Variants in MEI1 observed in about 807,000 individuals in gnomAD.
MEI1 encodes the protein meiotic double-stranded break formation protein 1.
A neutral mutation model predicts 146.2 loss-of-function variants in MEI1; 103 were observed. That is an observed-to-expected ratio of 0.70 (90% CI 0.60 to 0.83). The LOEUF (loss-of-function observed/expected upper bound fraction) is 0.83, where lower values mean the gene tolerates loss of function less well. Ranked by LOEUF, MEI1 falls within the 40% of genes least tolerant of loss-of-function variation. The probability of loss-of-function intolerance (pLI) is 0.00; values close to 1 mark genes in which losing one functional copy is unlikely to be tolerated. For synonymous variants in MEI1, 652 were observed against 628.2 expected (o/e 1.04, Z -0.57); for missense variants, 1,529 against 1,533.0 (o/e 1.00, Z 0.04).
At chr22:41,728,000 C>G (rs1157202763) in intron 7 of MEI1, among the ~76,000 whole-genome samples, 1 of 152,192 alleles carries the variant, frequency 6.6e-6, no homozygotes, top group African/African-American at 2.4e-5. Flanking sequence ...CCCTTGTATA[C>G]ACGGGAGATT....
chr22:41,719,474 A>G (rs528798226), intron 6 of MEI1, among the ~76,000 whole-genome samples: 1 of 152,352 alleles, frequency 6.6e-6, no homozygotes, highest in South Asian at 2.1e-4. Context: ...GGCGCAAGCC[A>G]CTGTGCCTGG....
At chr22:41,740,926 T>C (rs8141103) in intron 11 of MEI1, among the ~76,000 whole-genome samples, 126,682 of 151,922 alleles carry the variant, frequency 0.83, 53,777 homozygotes, top group African/African-American at 0.95. Context: ...CAACAAAGGC[T>C]CAGGGATGAG....
intron 6 of MEI1, among the ~76,000 whole-genome samples, chr22:41,718,866 T>A (rs1188132640): frequency 1.3e-5 from 2 of 151,788 alleles, no homozygotes; most frequent in Non-Finnish European, 2.9e-5. Context: ...GAACTTGTCC[T>A]TTTTTTTCTT....
chr22:41,746,389 T>C (rs78339304), intron 14 of MEI1, among the ~76,000 whole-genome samples: 2,771 of 152,324 alleles, frequency 0.018, 34 homozygotes, highest in Non-Finnish European at 0.031. Context: ...TCTGTAGTTA[T>C]AAAGCAAGCC....
chr22:41,775,998 T>C, intron 20 of MEI1, 104 bp from the exon 21 acceptor site: 2 of 1,201,890 alleles, frequency 1.7e-6, no homozygotes, highest in Non-Finnish European at 1.2e-6. Context: ...CCAGTTTTTG[T>C]GACATCATAA....
chr22:41,764,863 C>T (rs1307175803), intron 19 of MEI1, among the ~76,000 whole-genome samples: 1 of 152,180 alleles, frequency 6.6e-6, no homozygotes, highest in Non-Finnish European at 1.5e-5. Context: ...CCTTAGGAGT[C>T]AGTCAAGTCT....
At chr22:41,738,219 C>A (rs984768681) in intron 11 of MEI1, among the ~76,000 whole-genome samples, 1 of 152,052 alleles carries the variant, frequency 6.6e-6, no homozygotes, top group Non-Finnish European at 1.5e-5. Flanking sequence ...CTTTGGGAGT[C>A]CGAGGTGGGT....
chr22:41,763,252 A>G lies in MEI1; in HGVS notation c.2199A>G (p.Pro733=), dbSNP rs376371459. ...TGCAGGACCAGGGCGAGCGCCCCCCACTGGTGGTCTTCAAAGCCTCCATCT... is the reference window on the plus strand; with the variant it reads ...TGCAGGACCAGGGCGAGCGCCCCCCGCTGGTGGTCTTCAAAGCCTCCATCT... ...LSLQDQGERP[P]LVVFKASIYL... Residue 733 remains proline (P), a synonymous_variant, in exon 19 of 31, where the codon CCA becomes CCG. Transcript: ENST00000401548. 3.0e-5 allele frequency: 49 copies of G among 1,613,720 alleles called. No homozygotes were observed. Among genetic ancestry groups the G allele is most frequent in the African/African-American group, 6.7e-5 (5 of 74,890 alleles).
intron 7 of MEI1, 63 bp from the exon 8 acceptor site, chr22:41,729,602 G>A (rs1050704341): frequency 2.9e-6 from 3 of 1,033,012 alleles, no homozygotes; most frequent in Non-Finnish European, 4.4e-6. Flanking sequence ...GAGGCACCTA[G>A]GCCAGTTTTT....
chr22:41,751,147 ACT>A (rs1035012902), intron 15 of MEI1, among the ~76,000 whole-genome samples: 4 of 151,934 alleles, frequency 2.6e-5, no homozygotes, highest in Non-Finnish European at 5.9e-5. Context: ...GGGTGGAGAA[ACT>A]CTGGATCCCT....
At chr22:41,747,736 C>CCAAAAAAAAAAA (rs1569240908) in intron 14 of MEI1, among the ~76,000 whole-genome samples, 4 of 133,222 alleles carry the variant, frequency 3.0e-5, no homozygotes, top group Admixed American at 7.6e-5. Flanking sequence ...CCCACCCCCC[C>CCAAAAAAAAAAA]AAAAAAAACA....
intron 9 of MEI1, 40 bp downstream of exon 9, chr22:41,730,677 G>C (rs779701477): frequency 7.0e-7 from 1 of 1,436,776 alleles, no homozygotes; most frequent in South Asian, 1.1e-5. Flanking sequence ...GGGTTGGGTG[G>C]ACGGCAGTTT....
chr22:41,784,978 C>G (rs1342212059), intron 26 of MEI1, among the ~76,000 whole-genome samples, 195 bp downstream of exon 26: 1 of 150,746 alleles, frequency 6.6e-6, no homozygotes, highest in African/African-American at 2.4e-5. Flanking sequence ...CTCTTGTTGC[C>G]CAGGCTGGAG....
intron 19 of MEI1, 42 bp downstream of exon 19, chr22:41,763,363 C>T (rs747981167): frequency 1.2e-6 from 2 of 1,602,030 alleles, no homozygotes; most frequent in South Asian, 2.2e-5. Context: ...TTCTGTACCT[C>T]TTTACATTAG....
At chr22:41,707,483 T>C (rs950545919) in intron 3 of MEI1, among the ~76,000 whole-genome samples, 1 of 152,062 alleles carries the variant, frequency 6.6e-6, no homozygotes, top group African/African-American at 2.4e-5. Flanking sequence ...GCTGCTGTCA[T>C]AGAATGGCAC....
At chr22:41,762,137 G>A (rs1476498415) in intron 18 of MEI1, among the ~76,000 whole-genome samples, 3 of 151,988 alleles carry the variant, frequency 2.0e-5, no homozygotes, top group Non-Finnish European at 2.9e-5. Flanking sequence ...AATTCTTTTT[G>A]GGTATATTCT....
Position 41,772,326 on chromosome 22 carries a change from A to T in MEI1, c.2544+1365A>T, listed in dbSNP as rs1448093213. On this transcript the variant is annotated intron_variant, in intron 20 of 30. Coordinates refer to ENST00000401548, the MANE Select transcript of MEI1 (RefSeq NM_152513.4). ...AGCGTCAATCTTCTGGGCTCAAGTG[A>T]TCCTCCTGCCTTAGCCTCCCAAGTA... is the stretch of plus-strand genomic sequence containing the variant. Among the ~76,000 whole-genome samples the T allele has an allele frequency of 7.9e-5, 12 of 152,082 alleles. 1 individual carries two copies. In the South Asian group the frequency reaches 2.3e-3, roughly 29 times the overall value.
intron 17 of MEI1, among the ~76,000 whole-genome samples, chr22:41,757,967 G>A (rs577713202): frequency 6.6e-6 from 1 of 152,184 alleles, no homozygotes; most frequent in South Asian, 2.1e-4. Context: ...AATTAGCTGG[G>A]CGTGGTGGTG....
Position 41,699,531 on chromosome 22 carries a change from G to C in MEI1, c.-8G>C. ...AGAGTGCCGCCTCAGCTGAGGGCAA[G>C]CGAGGAGATGGCTGTGAGGCAGGCG... On this transcript the variant is annotated 5_prime_UTR_variant, in exon 1 of 31. Coordinates refer to ENST00000401548, the MANE Select transcript of MEI1 (RefSeq NM_152513.4). 6.2e-7 allele frequency: 1 copy of C among 1,605,962 alleles called. No homozygotes were observed. The highest frequency in any genetic ancestry group is 8.5e-7 in the Non-Finnish European group (1 of 1,177,520).
Sources: gnomAD v4.1 joint callset for allele counts (sites outside exome capture counted in the v4.1 genomes callset) on GRCh38, gnomAD v4.1.1 for gene constraint, MANE v1.5 for transcripts, NCBI Gene and HGNC (gene_info 2026-07-23, HGNC 2026-07-21) for gene names.